The following RNF213 variants were observed in gnomAD, a reference collection of about 807,000 sequenced individuals.
The protein encoded by RNF213 is E3 ubiquitin-protein ligase RNF213.
RNF213 carries 341 observed loss-of-function variants against 514.4 expected under a neutral mutation model. That is an observed-to-expected ratio of 0.66 (90% CI 0.61 to 0.73). The LOEUF (loss-of-function observed/expected upper bound fraction) is 0.73, where lower values mean the gene tolerates loss of function less well. Ranked by LOEUF, RNF213 falls within the 30% of genes least tolerant of loss-of-function variation. RNF213 has a pLI of 0.00. For missense variants in RNF213, 5,767 were observed against 6,615.6 expected (o/e 0.87, Z 4.45); for synonymous variants, 2,655 against 2,658.2 (o/e 1.00, Z 0.04).
chr17:80,359,386 A>C (rs1468765599), intron 37 of RNF213, among the ~76,000 whole-genome samples: 1 of 151,596 alleles, frequency 6.6e-6, no homozygotes, highest in East Asian at 1.9e-4. Context: ...ATTAGGCATA[A>C]CGTGGTGCGC....
At chr17:80,336,432 C>T in intron 23 of RNF213, 54 bp downstream of exon 23, 1 of 1,452,332 alleles carries the variant, frequency 6.9e-7, no homozygotes, top group Non-Finnish European at 9.3e-7. Flanking sequence ...CATTGCTTAG[C>T]AACGTTAGGG....
chr17:80,288,552 A>G lies in RNF213; in HGVS notation c.811-81A>G. ...CCCACCCTGTCCCTCGGCTTGTGGC[A>G]GATGCTGCCCCTTAAACCATTGAGT... On this transcript the variant is annotated intron_variant, in intron 4 of 67. Coordinates refer to ENST00000582970, the MANE Select transcript of RNF213 (RefSeq NM_001256071.3). This position sits in a 1 kb window ranked among gnomAD's most constrained non-coding sequence, Gnocchi z 4.9. 1.2e-6 allele frequency: 2 copies of G among 1,612,650 alleles called. No homozygotes were observed. Among genetic ancestry groups the G allele is most frequent in the South Asian group, 1.1e-5 (1 of 91,032 alleles).
At chr17:80,370,212 C>T (rs2079461425) in intron 46 of RNF213, among the ~76,000 whole-genome samples, 1 of 152,154 alleles carries the variant, frequency 6.6e-6, no homozygotes, top group Non-Finnish European at 1.5e-5. Flanking sequence ...CAGATGGTAG[C>T]TTAGAATCCT....
In RNF213 at chr17:80,308,434, C is replaced by T. The variant is rs1217714442; in HGVS notation, c.2502-584C>T. On this transcript the variant is annotated intron_variant, in intron 13 of 67. Coordinates refer to ENST00000582970, the MANE Select transcript of RNF213 (RefSeq NM_001256071.3). ...CCCCTCCTGAGTCCCTCCCAAGGCTCCTCCTGAGTCCCTCCTAAGCCTCCT... is the reference window on the plus strand; with the variant it reads ...CCCCTCCTGAGTCCCTCCCAAGGCTTCTCCTGAGTCCCTCCTAAGCCTCCT... Among the ~76,000 whole-genome samples the T allele has an allele frequency of 1.3e-5, 2 of 152,052 alleles. 1 individual carries two copies. The highest frequency in any genetic ancestry group is 4.2e-4 in the South Asian group (2 of 4,806).
Position 80,263,786 on chromosome 17 carries a change from C to A in RNF213, c.97+8C>A. On this transcript the variant is annotated splice_region_variant and intron_variant, in intron 2 of 67. Transcript: ENST00000582970. The surrounding 1 kb of genome is among the most constrained non-coding windows in gnomAD (Gnocchi z 4.9). ...CTGCAGCCCCCATAGCAGGTGAGGC[C>A]CAGGGGTGCTGGTGGAGGCTGGGGC... 1 of 1,613,256 alleles carries A rather than the reference C, an allele frequency of 6.2e-7. No individual in the cohort carries two copies. The highest frequency in any genetic ancestry group is 1.1e-5 in the South Asian group (1 of 91,066).
chr17:80,326,308 A>G (rs528246005), intron 18 of RNF213, among the ~76,000 whole-genome samples: 1 of 152,124 alleles, frequency 6.6e-6, no homozygotes, highest in African/African-American at 2.4e-5. Context: ...AGTTGGATAG[A>G]ATTTTTTAGA....
Position 80,278,802 on chromosome 17 carries a change from C to T in RNF213, c.261+5398C>T, listed in dbSNP as rs921225235. The T allele has an allele frequency of 6.5e-6, 10 of 1,537,088 alleles. No homozygotes were observed. In the African/African-American group the frequency reaches 8.2e-5, roughly 13 times the overall value. ...AGGTTTTGGTAGATGCTGCTGTAGA[C>T]CTCATATCCGATGAATGGGAAGCTG... On this transcript the variant is annotated intron_variant, in intron 3 of 67. Transcript: ENST00000582970.
chr17:80,367,799 A>T lies in RNF213; in HGVS notation c.11923A>T (p.Met3975Leu). Residue 3975 changes from methionine to leucine, a missense_variant, in exon 43 of 68, where the codon ATG becomes TTG. Coordinates refer to ENST00000582970, the MANE Select transcript of RNF213 (RefSeq NM_001256071.3). The stretch of plus-strand genomic sequence containing the variant: ...GACGCACGGGCCTTTTGAGGCCGTG[A>T]TGCGCACTCTCTGTGAATGCAAGGA... ...VKTHGPFEAV[M>L]RTLCECKETA... The T allele has an allele frequency of 6.2e-7, 1 of 1,614,184 alleles. No individual in the cohort carries two copies. Among genetic ancestry groups the T allele is most frequent in the Non-Finnish European group, 8.5e-7 (1 of 1,180,030 alleles).
rs1336008713 is a variant in RNF213, at chr17:80,290,673, G to A, written c.1216G>A (p.Glu406Lys). The change falls in exon 7 of 68, where the codon GAA (glutamate) becomes AAA (lysine). Residue 406 changes from glutamate (E) to lysine (K), a missense_variant. Coordinates refer to ENST00000582970, the MANE Select transcript of RNF213 (RefSeq NM_001256071.3). Reference protein sequence around the residue: ...DLHKVFIRGGEEFGESKWDSN... With the variant: ...DLHKVFIRGGKEFGESKWDSN... ...CCATAAAGTCTTCATCAGAGGAGGA[G>A]AAGAATTTGGGGAGTCAAAATGGGA... 1.2e-6 allele frequency: 2 copies of A among 1,614,196 alleles called. No individual in the cohort carries two copies. The highest frequency in any genetic ancestry group is 1.7e-6 in the Non-Finnish European group (2 of 1,180,034).
intron 55 of RNF213, 89 bp downstream of exon 55, chr17:80,379,803 T>C (rs1477170942): frequency 1.1e-5 from 11 of 1,038,134 alleles, no homozygotes; most frequent in Non-Finnish European, 1.5e-5. Context: ...ATACTCAAGA[T>C]AGTACTAATT....
chr17:80,385,868 G>A (rs1272613756), intron 61 of RNF213, among the ~76,000 whole-genome samples: 3 of 152,162 alleles, frequency 2.0e-5, no homozygotes, highest in Non-Finnish European at 4.4e-5. Context: ...GTTTCACCAT[G>A]TTGCCCAGGC....
At chr17:80,384,019 T>G (rs2144620235) in intron 59 of RNF213, 91 bp downstream of exon 59, 1 of 1,484,176 alleles carries the variant, frequency 6.7e-7, no homozygotes, top group African/African-American at 1.4e-5. Context: ...AGTATAATCA[T>G]TCTTAACAGA....
intron 26 of RNF213, chr17:80,340,609 GTTTTTTTTT>G (rs747785477): frequency 7.7e-5 from 10 of 130,094 alleles, no homozygotes; most frequent in Admixed American, 2.6e-4. Context: ...GTACTTTGTG[GTTTTTTTTT>G]TTTTTTTTTT....
In RNF213 at chr17:80,354,152, A is replaced by T. The variant is rs1230510802; in HGVS notation, c.10712A>T (p.Asp3571Val). 1.2e-6 allele frequency: 2 copies of T among 1,613,860 alleles called. No homozygotes were observed. The highest frequency in any genetic ancestry group is 8.5e-7 in the Non-Finnish European group (1 of 1,180,016). The change falls in exon 35 of 68, where the codon GAT (aspartate) becomes GTT (valine). Residue 3571 changes from aspartate (D) to valine (V), a missense_variant. By Grantham distance (152) the Asp-to-Val change is radical (BLOSUM62 -3). Around this residue, in one of 13 missense-constraint regions of RNF213, gnomAD observed 919 missense variants for 1,121.0 expected, o/e 0.82. Coordinates refer to ENST00000582970, the MANE Select transcript of RNF213 (RefSeq NM_001256071.3). Reference protein sequence around the residue: ...VVLLLGLLNEDDACHASFLRV... With the variant: ...VVLLLGLLNEVDACHASFLRV... ...CTCCTCCTGGGCCTCTTGAATGAGG[A>T]TGACGCGTGCCACGGTATGAGCCTC...
chr17:80,360,129 A>G lies in RNF213; in HGVS notation c.11123A>G (p.Asn3708Ser). The stretch of plus-strand genomic sequence containing the variant: ...AACCTTTCCGAGAACGCTTCCAACA[A>G]CGTCCCTTTCAGCTGGAAAATCAAG... ...HMNLSENASN[N>S]VPFSWKIKDY... Residue 3708 changes from asparagine (N) to serine (S), a missense_variant, in exon 38 of 68, where the codon AAC (asparagine) becomes AGC (serine). This residue lies in a region of RNF213 where 919 missense variants were observed against 1,121.0 expected (regional missense o/e 0.82). Transcript: ENST00000582970. The G allele has an allele frequency of 6.2e-7, 1 of 1,614,118 alleles. No individual in the cohort carries two copies. Among genetic ancestry groups the G allele is most frequent in the Non-Finnish European group, 8.5e-7 (1 of 1,180,010 alleles).
intron 63 of RNF213, 84 bp downstream of exon 63, chr17:80,386,975 A>G (rs62077769): frequency 7.6e-7 from 1 of 1,311,090 alleles, no homozygotes. Context: ...GAGAGAGGGA[A>G]GCAGCACCTC....
At chr17:80,271,926 G>A (rs1476743128) in intron 2 of RNF213, among the ~76,000 whole-genome samples, 1 of 152,060 alleles carries the variant, frequency 6.6e-6, no homozygotes, top group Non-Finnish European at 1.5e-5. Context: ...GTTGCAGTGA[G>A]CCGAGATTGC....
At chr17:80,360,332 T>C (rs1762486542) in intron 38 of RNF213, 126 bp downstream of exon 38, 5 of 1,111,462 alleles carry the variant, frequency 4.5e-6, no homozygotes, top group South Asian at 1.3e-5. Context: ...TTTCACACTT[T>C]GTTTGTGCAG....
chr17:80,349,395 C>G (rs2078423651), intron 29 of RNF213, among the ~76,000 whole-genome samples: 1 of 152,124 alleles, frequency 6.6e-6, no homozygotes, highest in African/African-American at 2.4e-5. Context: ...GGGAAGGGGA[C>G]AGCACCAACC....
Sources: gnomAD v4.1 joint callset for allele counts (sites outside exome capture counted in the v4.1 genomes callset) on GRCh38, gnomAD v4.1.1 for gene constraint, gnomAD v4.1.1 regional missense constraint, Gnocchi (gnomAD v3.1) non-coding constraint, MANE v1.5 for transcripts, NCBI Gene and HGNC (gene_info 2026-07-23, HGNC 2026-07-21) for gene names.